KCNQ4: variants seen among roughly 807,000 people sequenced by gnomAD.
The protein encoded by KCNQ4 is potassium voltage-gated channel subfamily KQT member 4.
Under a neutral mutation model 72.6 loss-of-function variants are expected in KCNQ4, and 31 were observed. The ratio of observed to expected loss-of-function variants is 0.43; its 90% CI spans 0.32 to 0.58. The LOEUF is 0.58. KCNQ4 is among the 20% of genes least tolerant of loss of function. The pLI, the probability that KCNQ4 is intolerant of heterozygous loss-of-function variation, is 0.08. For synonymous variants in KCNQ4, 405 were observed against 403.7 expected (o/e 1.00, Z -0.04); for missense variants, 869 against 962.6 (o/e 0.90, Z 1.29).
At position 40,824,256 on chromosome 1, in the gene KCNQ4, A is replaced by T; in HGVS notation, c.1290A>T (p.Glu430Asp). ...GCAGCACCTCCTTCTGCCCTGGGGA[A>T]AGGTAGGGGCCCCGTGGGGCTGCCA... ...RPGSTSFCPGESSRMGIKDRI... is the reference protein window; with the variant it reads ...RPGSTSFCPGDSSRMGIKDRI... The change falls in exon 9 of 14, where the codon GAA (glutamate) becomes GAT (aspartate). Residue 430 changes from glutamate to aspartate, a missense_variant and splice_region_variant. By Grantham distance (45) the Glu-to-Asp change is conservative. This residue lies in a region of KCNQ4 where 480 missense variants were observed against 501.9 expected (regional missense o/e 0.96). Transcript: ENST00000347132. 1 of 1,607,444 alleles carries T rather than the reference A, an allele frequency of 6.2e-7. No individual in the cohort carries two copies. Among genetic ancestry groups the T allele is most frequent in the South Asian group, 1.1e-5 (1 of 90,146 alleles).
intron 1 of KCNQ4, among the ~76,000 whole-genome samples, chr1:40,815,346 C>T (rs913304590): frequency 6.6e-5 from 10 of 151,964 alleles, no homozygotes; most frequent in Non-Finnish European, 1.0e-4. Context: ...AGCTGAGAAA[C>T]GGGACTGGAG....
chr1:40,790,122 C>T (rs1647250138), intron 1 of KCNQ4, among the ~76,000 whole-genome samples: 1 of 152,216 alleles, frequency 6.6e-6, no homozygotes, highest in Non-Finnish European at 1.5e-5. Flanking sequence ...AGCACGGGCT[C>T]TGAGGCTGAC....
intron 1 of KCNQ4, among the ~76,000 whole-genome samples, chr1:40,814,253 G>A (rs1414755923): frequency 1.3e-5 from 2 of 149,224 alleles, no homozygotes; most frequent in Non-Finnish European, 3.0e-5. Flanking sequence ...GGGGTTTCAC[G>A]ATGTTGGCCA....
At chr1:40,811,727 C>T (rs996074543) in intron 1 of KCNQ4, among the ~76,000 whole-genome samples, 3 of 152,172 alleles carry the variant, frequency 2.0e-5, no homozygotes, top group African/African-American at 7.2e-5. Flanking sequence ...AGGCAACACC[C>T]GCCTGTCTCA....
chr1:40,800,792 A>G (rs1380528566), intron 1 of KCNQ4, among the ~76,000 whole-genome samples: 3 of 152,170 alleles, frequency 2.0e-5, no homozygotes, highest in Non-Finnish European at 4.4e-5. Flanking sequence ...TCCCTCTTGT[A>G]GAATAGTGTG....
At chr1:40,786,512 G>A (rs1169080796) in intron 1 of KCNQ4, among the ~76,000 whole-genome samples, 2 of 152,222 alleles carry the variant, frequency 1.3e-5, no homozygotes, top group Non-Finnish European at 2.9e-5. Context: ...CCAGGGCCAG[G>A]GCATGTCTTG....
chr1:40,800,554 C>T (rs1158947101), intron 1 of KCNQ4, among the ~76,000 whole-genome samples: 12 of 152,222 alleles, frequency 7.9e-5, no homozygotes, highest in South Asian at 2.1e-4. Context: ...CACCCACCTA[C>T]CTCTGCAGCA....
At chr1:40,797,081 G>A (rs1200071023) in intron 1 of KCNQ4, among the ~76,000 whole-genome samples, 1 of 152,244 alleles carries the variant, frequency 6.6e-6, no homozygotes, top group East Asian at 1.9e-4. Flanking sequence ...CCCCGGGCCA[G>A]GCCCTGTGCC....
chr1:40,838,673 T>A lies in KCNQ4; in HGVS notation c.*150T>A, dbSNP rs991379383. ...CAGTATTGAGCTGCCTGAGTGGGCG[T>A]GGTACCTGCTGTGGGTGCCAGCGCC... On this transcript the variant is annotated 3_prime_UTR_variant, in exon 14 of 14. Coordinates refer to ENST00000347132, the MANE Select transcript of KCNQ4 (RefSeq NM_004700.4). The A allele has an allele frequency of 4.1e-5, 31 of 749,576 alleles. No homozygotes were observed. Among genetic ancestry groups the A allele is most frequent in the South Asian group, 2.9e-4 (18 of 62,984 alleles). The allele number at this position is 749,576 out of a possible 1,614,324, so 46.4% of individuals were successfully genotyped here. A position where few individuals can be genotyped will look rare whatever the true frequency, so the allele number is the denominator to read the frequency against.
chr1:40,836,335 T>A (rs1219117322), intron 12 of KCNQ4, among the ~76,000 whole-genome samples: 2 of 152,200 alleles, frequency 1.3e-5, no homozygotes, highest in Non-Finnish European at 2.9e-5. Flanking sequence ...AAAATCGAGT[T>A]GCCATTTGTT....
At position 40,834,957 on chromosome 1, in the gene KCNQ4, C is replaced by G; in HGVS notation, c.1614-10C>G. ...ACAGGACACTCCCTCTGAGCCCCCTCCCCCAACAGGATTCTCAAGTTCCTG... is the reference window on the plus strand; with the variant it reads ...ACAGGACACTCCCTCTGAGCCCCCTGCCCCAACAGGATTCTCAAGTTCCTG... On this transcript the variant is annotated splice_polypyrimidine_tract_variant and intron_variant, in intron 11 of 13. Transcript: ENST00000347132. 6.2e-7 allele frequency: 1 copy of G among 1,612,994 alleles called. No individual in the cohort carries two copies. The highest frequency in any genetic ancestry group is 1.1e-5 in the South Asian group (1 of 91,050).
chr1:40,835,057 C>T lies in KCNQ4; in HGVS notation c.1704C>T (p.Gly568=), dbSNP rs562928492. The T allele has an allele frequency of 2.0e-5, 33 of 1,614,072 alleles. No individual in the cohort carries two copies. The South Asian group carries it at 3.3e-4, about 16-fold the overall frequency. The change falls in exon 12 of 14, where the codon GGC becomes GGT. Residue 568 remains glycine (G), a synonymous_variant. Coordinates refer to ENST00000347132, the MANE Select transcript of KCNQ4 (RefSeq NM_004700.4). ...VKDVIEQYSA[G]HLDMLGRIKS... is the part of the protein sequence containing the mutation. ...ACGTCATTGAGCAGTACTCAGCAGG[C>T]CACCTGGACATGCTGGGCCGGATCA...
intron 1 of KCNQ4, among the ~76,000 whole-genome samples, chr1:40,812,013 G>A (rs924197629): frequency 2.0e-4 from 30 of 152,126 alleles, no homozygotes; most frequent in Non-Finnish European, 1.0e-4. Flanking sequence ...CCCAGCTAAG[G>A]GGCTCCTTCA....
chr1:40,810,895 C>T (rs1647914377), intron 1 of KCNQ4, among the ~76,000 whole-genome samples: 1 of 152,190 alleles, frequency 6.6e-6, no homozygotes, highest in South Asian at 2.1e-4. Context: ...GTCTTGGGCT[C>T]AGGTCCTGCG....
At chr1:40,807,067 G>C (rs564437337) in intron 1 of KCNQ4, among the ~76,000 whole-genome samples, 1 of 152,324 alleles carries the variant, frequency 6.6e-6, no homozygotes, top group African/African-American at 2.4e-5. Flanking sequence ...CAGCCCAGGG[G>C]AAGGGATGCC....
intron 1 of KCNQ4, among the ~76,000 whole-genome samples, chr1:40,814,438 C>T (rs990898271): frequency 6.6e-5 from 10 of 152,234 alleles, no homozygotes; most frequent in Non-Finnish European, 1.2e-4. Flanking sequence ...ACTGGCTGGG[C>T]GAGTGGCTTA....
chr1:40,806,062 C>T (rs949177218), intron 1 of KCNQ4, among the ~76,000 whole-genome samples: 23 of 152,132 alleles, frequency 1.5e-4, no homozygotes, highest in Non-Finnish European at 2.8e-4. Context: ...AGGATGGTCT[C>T]GATCTCCTGA....
At chr1:40,838,123 G>A (rs938576815) in intron 13 of KCNQ4, among the ~76,000 whole-genome samples, 188 bp from the exon 14 acceptor site, 1 of 152,054 alleles carries the variant, frequency 6.6e-6, no homozygotes, top group Admixed American at 6.6e-5. Context: ...CCACCCCCCG[G>A]GTTATGCACC....
intron 1 of KCNQ4, among the ~76,000 whole-genome samples, chr1:40,807,815 G>C (rs1271752898): frequency 6.6e-6 from 1 of 152,224 alleles, no homozygotes; most frequent in Admixed American, 6.5e-5. Context: ...TCCTCCAGCT[G>C]AGGGGAGACA....
Sources: allele counts gnomAD v4.1 joint callset (sites outside exome capture counted in the v4.1 genomes callset), GRCh38; gene constraint gnomAD v4.1.1; regional missense constraint gnomAD v4.1.1; transcripts MANE v1.5; gene names NCBI Gene and HGNC (gene_info 2026-07-23, HGNC 2026-07-21).